VWA3B: variants seen among roughly 807,000 people sequenced by gnomAD.
VWA3B encodes von Willebrand factor A domain containing 3B, also known as von Willebrand factor A domain-containing protein 3B.
In VWA3B, 138 loss-of-function variants were observed where a neutral mutation model predicts 158.3. That is an observed-to-expected ratio of 0.87 (90% CI 0.76 to 1.00). VWA3B has a LOEUF of 1.00. VWA3B is among the 50% of genes least tolerant of loss of function. VWA3B has a pLI of 0.00. For missense variants in VWA3B, 1,555 were observed against 1,565.1 expected, an observed-to-expected ratio of 0.99 and a Z score of 0.11; for synonymous variants, 596 against 587.3, an observed-to-expected ratio of 1.01 and a Z score of -0.21.
chr2:98,257,090 A>G lies in VWA3B; in HGVS notation c.2843+916A>G, dbSNP rs190476574. ...GTGTCCAATAGTCAAACCTCTCTTC[A>G]TCTCCCCCACCTCCACACACACTCT... is the stretch of plus-strand genomic sequence containing the variant. On this transcript the variant is annotated intron_variant, in intron 21 of 27. Transcript: ENST00000477737. Among the ~76,000 whole-genome samples the G allele has an allele frequency of 6.1e-3, 926 of 151,738 alleles. 13 individuals carry two copies. The highest frequency in any genetic ancestry group is 0.021 in the African/African-American group (884 of 41,330).
chr2:98,273,085 G>GA (rs752316330), intron 22 of VWA3B, among the ~76,000 whole-genome samples: 32 of 152,298 alleles, frequency 2.1e-4, no homozygotes, highest in Non-Finnish European at 3.8e-4. Flanking sequence ...AACTAAGAGA[G>GA]ATCTGGAATA....
At chr2:98,214,846 C>G (rs931690182) in intron 13 of VWA3B, among the ~76,000 whole-genome samples, 2 of 152,134 alleles carry the variant, frequency 1.3e-5, no homozygotes, top group African/African-American at 4.8e-5. Context: ...ATTGGTTTGC[C>G]TGTGAGTGAG....
intron 9 of VWA3B, among the ~76,000 whole-genome samples, chr2:98,183,112 A>AT (rs1006360648): frequency 4.5e-4 from 68 of 151,644 alleles, no homozygotes; most frequent in African/African-American, 1.2e-3. Flanking sequence ...ACAAGAGGGA[A>AT]TTTTACCTCA....
In VWA3B at chr2:98,300,060, T is replaced by G. The variant is rs746134596; in HGVS notation, c.3283-19T>G. 6.2e-7 allele frequency: 1 copy of G among 1,614,062 alleles called. No homozygotes were observed. The highest frequency in any genetic ancestry group is 1.3e-5 in the African/African-American group (1 of 75,042). On this transcript the variant is annotated intron_variant, in intron 24 of 27. Transcript: ENST00000477737. The stretch of plus-strand genomic sequence containing the variant: ...TACAATCCATAAGCAAAATATTTGC[T>G]CTATGTTCTCCTCTGCAGGTTGGAG...
chr2:98,287,453 T>C (rs1326107708), intron 22 of VWA3B, among the ~76,000 whole-genome samples: 4 of 152,314 alleles, frequency 2.6e-5, no homozygotes, highest in South Asian at 4.1e-4. Context: ...ACATTTGTCC[T>C]CAAATTGATT....
At chr2:98,095,592 C>G (rs1176931498) in intron 2 of VWA3B, among the ~76,000 whole-genome samples, 3 of 152,108 alleles carry the variant, frequency 2.0e-5, no homozygotes, top group Non-Finnish European at 4.4e-5. Context: ...TTCTTTCTTT[C>G]CAATTTAGAT....
intron 6 of VWA3B, among the ~76,000 whole-genome samples, chr2:98,129,918 A>G (rs9973375): frequency 0.65 from 98,075 of 152,042 alleles, 33,803 homozygotes; most frequent in African/African-American, 0.89. Flanking sequence ...CACACCTGTG[A>G]GTGTTTCTCG....
At chr2:98,116,706 A>G (rs548420259) in intron 3 of VWA3B, among the ~76,000 whole-genome samples, 1 of 152,230 alleles carries the variant, frequency 6.6e-6, no homozygotes, top group East Asian at 1.9e-4. Context: ...GGGTCTCGCC[A>G]TGTTGCCCAG....
intron 2 of VWA3B, among the ~76,000 whole-genome samples, chr2:98,109,471 T>TAA (rs1673960872): frequency 6.6e-6 from 1 of 152,204 alleles, no homozygotes; most frequent in Non-Finnish European, 1.5e-5. Context: ...ATAAAATGTA[T>TAA]TATTTTATCT....
Position 98,121,317 on chromosome 2 carries a change from G to T in VWA3B, c.561G>T (p.Val187=). 6.2e-7 allele frequency: 1 copy of T among 1,613,872 alleles called. No individual in the cohort carries two copies. Among genetic ancestry groups the T allele is most frequent in the Non-Finnish European group, 8.5e-7 (1 of 1,179,740 alleles). The change falls in exon 5 of 28, where the codon GTG becomes GTT. Residue 187 remains valine (V), a synonymous_variant. Transcript: ENST00000477737. ...FNIIRVSQEP[V]KWQENATPVT... is the part of the protein sequence containing the mutation. The stretch of plus-strand genomic sequence containing the variant: ...TTTTCAGGGTTTCTCAAGAGCCTGT[G>T]AAGTGGCAGGAAAATGCTACTCCTG...
Position 98,203,086 on chromosome 2 carries a change from C to T in VWA3B, c.1737+8594C>T, listed in dbSNP as rs539541968. Among the ~76,000 whole-genome samples the T allele has an allele frequency of 3.3e-5, 5 of 152,338 alleles. No individual in the cohort carries two copies. In the South Asian group the frequency reaches 1.0e-3, roughly 32 times the overall value. On this transcript the variant is annotated intron_variant, in intron 12 of 27. Transcript: ENST00000477737. Reference sequence around the variant, plus strand: ...GACTTTGTGATCTGCCCGCCTTGGCCTCCCAAAGTGCTGGGATTACAGGCG... The same window carrying T: ...GACTTTGTGATCTGCCCGCCTTGGCTTCCCAAAGTGCTGGGATTACAGGCG...
At position 98,290,777 on chromosome 2, in the gene VWA3B, G is replaced by T. The variant is rs952196950; in HGVS notation, c.3157+155G>T. 3 of 585,398 alleles carry T rather than the reference G, an allele frequency of 5.1e-6. No homozygotes were observed. The African/African-American group carries it at 5.8e-5, about 11-fold the overall frequency. 36.3% of individuals were successfully genotyped at this position (585,398 alleles called of 1,614,324 possible). ...ACAGAGAAGAAGTGGAATATCTCTG[G>T]CCAGCTCATGAAATGAGCGTATTTG... On this transcript the variant is annotated intron_variant, in intron 23 of 27. Coordinates refer to ENST00000477737, the MANE Select transcript of VWA3B (RefSeq NM_144992.5).
chr2:98,225,667 G>T (rs1396108851), intron 14 of VWA3B, among the ~76,000 whole-genome samples: 1 of 149,040 alleles, frequency 6.7e-6, no homozygotes, highest in East Asian at 2.0e-4. Context: ...TTATGTGCAG[G>T]TAATGTATTA....
At chr2:98,242,223 T>C (rs1686118314) in intron 19 of VWA3B, 1 of 456,060 alleles carries the variant, frequency 2.2e-6, no homozygotes, top group African/African-American at 2.0e-5. Flanking sequence ...GGGCTCTTTC[T>C]TCTTCTGGAA....
At chr2:98,318,422 G>T in the VWA3B span, among the ~76,000 whole-genome samples, 2 of 152,130 alleles carry the variant, frequency 1.3e-5, no homozygotes, top group Non-Finnish European at 2.9e-5. Flanking sequence ...CCTTTACAGG[G>T]ACATAGATGA....
At chr2:98,253,500 G>A (rs1686933485) in intron 20 of VWA3B, among the ~76,000 whole-genome samples, 1 of 152,114 alleles carries the variant, frequency 6.6e-6, no homozygotes, top group Admixed American at 6.6e-5. Context: ...TATTGCCAGG[G>A]CTGGCTGGAT....
At chr2:98,108,046 T>G (rs372254645) in intron 2 of VWA3B, among the ~76,000 whole-genome samples, 5 of 152,086 alleles carry the variant, frequency 3.3e-5, no homozygotes, top group African/African-American at 1.2e-4. Flanking sequence ...TCTCACAAAT[T>G]TTTATATGTT....
chr2:98,175,959 G>A (rs1679979776), intron 8 of VWA3B, among the ~76,000 whole-genome samples: 1 of 152,186 alleles, frequency 6.6e-6, no homozygotes, highest in Non-Finnish European at 1.5e-5. Flanking sequence ...TAGGTTGACA[G>A]CAGGTTTAGT....
At chr2:98,181,642 C>T (rs539635888) in intron 9 of VWA3B, among the ~76,000 whole-genome samples, 8 of 152,160 alleles carry the variant, frequency 5.3e-5, no homozygotes, top group South Asian at 4.1e-4. Context: ...CAGCATACAG[C>T]GCAATCCCAG....
Sources: gnomAD v4.1 joint callset for allele counts (sites outside exome capture counted in the v4.1 genomes callset) on GRCh38, gnomAD v4.1.1 for gene constraint, MANE v1.5 for transcripts, NCBI Gene and HGNC (gene_info 2026-07-23, HGNC 2026-07-21) for gene names.